The following LILRB4 variants were observed in gnomAD, a reference collection of about 807,000 sequenced individuals.
The protein encoded by LILRB4 is leukocyte immunoglobulin like receptor B4.
LILRB4 carries 49 observed loss-of-function variants against 55.2 expected under a neutral mutation model. The observed-to-expected ratio is 0.89, with a 90% confidence interval of 0.71 to 1.13. The LOEUF is 1.13. LILRB4 is among the 50% of genes most tolerant of loss of function. The probability of loss-of-function intolerance (pLI) is 0.00; values close to 1 mark genes in which losing one functional copy is unlikely to be tolerated. For synonymous variants in LILRB4, 229 were observed against 213.8 expected (o/e 1.07, Z -0.62); for missense variants, 590 against 555.2 (o/e 1.06, Z -0.63).
rs111690414 is a variant in LILRB4, at chr19:54,666,458, T to C, written c.988+22T>C. The C allele has an allele frequency of 6.2e-7, 1 of 1,613,858 alleles. No homozygotes were observed. Among genetic ancestry groups the C allele is most frequent in the Non-Finnish European group, 8.5e-7 (1 of 1,179,804 alleles). On this transcript the variant is annotated intron_variant, in intron 9 of 11. Transcript: ENST00000430952. This position sits in a 1 kb window ranked among gnomAD's most constrained non-coding sequence, Gnocchi z 4.8. ...TTCTGTGAGTGAGAGGCAGAGAAGGTGCACCTGGGGTGGAGCTGGGGGTCC... is the reference window on the plus strand; with the variant it reads ...TTCTGTGAGTGAGAGGCAGAGAAGGCGCACCTGGGGTGGAGCTGGGGGTCC...
chr19:54,667,921 A>T (rs758388886), exon 12 of LILRB4: 1 of 1,610,222 alleles, frequency 6.2e-7, no homozygotes, highest in East Asian at 2.2e-5. Context: ...CCGGCTGCAC[A>T]GCTTTACCCT....
Position 54,663,741 on chromosome 19 carries a change from G to C in LILRB4, c.71-13G>C, listed in dbSNP as rs1451719778. The stretch of plus-strand genomic sequence containing the variant: ...AGGAAGGTCTTGGGATCCAGCCTCT[G>C]ATTTTCTTCCAGGGCCCCTCCCCAA... On this transcript the variant is annotated splice_polypyrimidine_tract_variant and intron_variant, in intron 2 of 11. Coordinates refer to ENST00000430952, the Ensembl canonical transcript of LILRB4. 3.1e-6 allele frequency: 5 copies of C among 1,613,522 alleles called. No individual in the cohort carries two copies. The highest frequency in any genetic ancestry group is 3.3e-5 in the Admixed American group (2 of 59,964).
In LILRB4 at chr19:54,666,559, C is replaced by T. The variant is rs1294740068; in HGVS notation, c.988+123C>T. 3 of 1,444,626 alleles carry T rather than the reference C, an allele frequency of 2.1e-6. No individual in the cohort carries two copies. The highest frequency in any genetic ancestry group is 1.4e-5 in the African/African-American group (1 of 71,460). The allele number at this position is 1,444,626 out of a possible 1,614,324, so 89.5% of individuals were successfully genotyped here. A position where few individuals can be genotyped will look rare whatever the true frequency, so the allele number is the denominator to read the frequency against. ...GACTCAGGGAGAAGTGGTCTGAACC[C>T]ACATTGTGGGACCTCGGGGACATCA... On this transcript the variant is annotated intron_variant, in intron 9 of 11. Coordinates refer to ENST00000430952, the Ensembl canonical transcript of LILRB4. The surrounding 1 kb of genome is among the most constrained non-coding windows in gnomAD (Gnocchi z 4.8).
exon 12 of LILRB4, chr19:54,668,363 A>C (rs942414965): frequency 4.2e-6 from 1 of 236,724 alleles, no homozygotes; most frequent in Non-Finnish European, 8.2e-6. Flanking sequence ...AAAATAGAGA[A>C]AAATTAATAA....
chr19:54,663,094 AC>A, intron 1 of LILRB4, 27 bp downstream of exon 1: 2 of 1,597,442 alleles, frequency 1.3e-6, no homozygotes, highest in Non-Finnish European at 1.7e-6. Context: ...GGGAGGGGAG[AC>A]CCGAGTCTTG....
Position 54,666,752 on chromosome 19 carries a change from G to T in LILRB4, c.1041+3G>T. 1 of 1,613,898 alleles carries T rather than the reference G, an allele frequency of 6.2e-7. No individual in the cohort carries two copies. Among genetic ancestry groups the T allele is most frequent in the Non-Finnish European group, 8.5e-7 (1 of 1,179,804 alleles). Reference sequence around the variant, plus strand: ...ACGGGGTGGAAATGGACACTCGGGTGAGAACCCGCCCCTGTCCCCGGCACC... The same window carrying T: ...ACGGGGTGGAAATGGACACTCGGGTTAGAACCCGCCCCTGTCCCCGGCACC... On this transcript the variant is annotated splice_donor_region_variant and intron_variant, in intron 10 of 11. Coordinates refer to ENST00000430952, the Ensembl canonical transcript of LILRB4. This position sits in a 1 kb window ranked among gnomAD's most constrained non-coding sequence, Gnocchi z 4.8.
At position 54,665,759 on chromosome 19, in the gene LILRB4, C is replaced by G. The variant is rs907965726; in HGVS notation, c.758-56C>G. 10 of 1,526,312 alleles carry G rather than the reference C, an allele frequency of 6.6e-6. No homozygotes were observed. In the African/African-American group the frequency reaches 1.2e-4, roughly 19 times the overall value. 94.5% of individuals were successfully genotyped at this position (1,526,312 alleles called of 1,614,324 possible). On this transcript the variant is annotated intron_variant, in intron 6 of 11. Coordinates refer to ENST00000430952, the Ensembl canonical transcript of LILRB4. This position sits in a 1 kb window ranked among gnomAD's most constrained non-coding sequence, Gnocchi z 5.5. Reference sequence around the variant, plus strand: ...CCAGCACACACAGTAGGTGCACACACAGTAGGTGTGCACATCAATGACATC... The same window carrying G: ...CCAGCACACACAGTAGGTGCACACAGAGTAGGTGTGCACATCAATGACATC...
chr19:54,663,161 G>A, intron 1 of LILRB4, 94 bp downstream of exon 1: 1 of 1,437,446 alleles, frequency 7.0e-7, no homozygotes, highest in African/African-American at 1.4e-5. Flanking sequence ...AAAAATCTCA[G>A]GGTAGCCGGG....
rs1389832518 is a variant in LILRB4, at chr19:54,666,500, A to G, written c.988+64A>G. On this transcript the variant is annotated intron_variant, in intron 9 of 11. Coordinates refer to ENST00000430952, the Ensembl canonical transcript of LILRB4. This position sits in a 1 kb window ranked among gnomAD's most constrained non-coding sequence, Gnocchi z 4.8. Reference sequence around the variant, plus strand: ...TGGGGGTCCCAAAATTTCAATAGCAATGGGGGCAGGAGCACAGGCTAGGAT... The same window carrying G: ...TGGGGGTCCCAAAATTTCAATAGCAGTGGGGGCAGGAGCACAGGCTAGGAT... 4.4e-5 allele frequency: 69 copies of G among 1,573,116 alleles called. 1 individual carries two copies. Among genetic ancestry groups the G allele is most frequent in the Non-Finnish European group, 2.7e-5 (31 of 1,146,378 alleles).
rs1424751561 is a variant in LILRB4, at chr19:54,666,181, T to A, written c.875-59T>A. 7.5e-6 allele frequency: 11 copies of A among 1,462,790 alleles called. No homozygotes were observed. The highest frequency in any genetic ancestry group is 5.3e-5 in the South Asian group (4 of 75,028). The allele number at this position is 1,462,790 out of a possible 1,614,324, so 90.6% of individuals were successfully genotyped here. ...AGGTTTCCTTTCCTCTTGACTTGCA[T>A]GTGCAAGGCAGGTGGTTCTAACGTT... On this transcript the variant is annotated intron_variant, in intron 7 of 11. Transcript: ENST00000430952. This position sits in a 1 kb window ranked among gnomAD's most constrained non-coding sequence, Gnocchi z 4.8.
rs2065216274 is a variant in LILRB4, at chr19:54,665,252, AG to A, written c.757+74del. On this transcript the variant is annotated intron_variant, in intron 6 of 11. Transcript: ENST00000430952. The surrounding 1 kb of genome is among the most constrained non-coding windows in gnomAD (Gnocchi z 5.5). ...CAAGGGTGGGTTCTGTCCTAGGTTA[AG>A]GCTCCTCTGGAGGTGGTGATGTGGA... 2 of 1,479,636 alleles carry A rather than the reference AG, an allele frequency of 1.4e-6. No homozygotes were observed. Among genetic ancestry groups the A allele is most frequent in the Admixed American group, 2.0e-5 (1 of 49,720 alleles). 91.7% of individuals were successfully genotyped at this position (1,479,636 alleles called of 1,614,324 possible). A position where few individuals can be genotyped will look rare whatever the true frequency, so the allele number is the denominator to read the frequency against.
chr19:54,666,636 C>A lies in LILRB4; in HGVS notation c.989-61C>A. 1 of 1,549,570 alleles carries A rather than the reference C, an allele frequency of 6.5e-7. No individual in the cohort carries two copies. The highest frequency in any genetic ancestry group is 8.9e-7 in the Non-Finnish European group (1 of 1,125,594). On this transcript the variant is annotated intron_variant, in intron 9 of 11. Transcript: ENST00000430952. This position sits in a 1 kb window ranked among gnomAD's most constrained non-coding sequence, Gnocchi z 4.8. Reference sequence around the variant, plus strand: ...CTAATGGGAACAGGGCAGGGACCAGCAGGAATGAGAGGTCCCAGGGAACCT... The same window carrying A: ...CTAATGGGAACAGGGCAGGGACCAGAAGGAATGAGAGGTCCCAGGGAACCT...
chr19:54,665,850 TTGG>T lies in LILRB4; in HGVS notation c.798_800del (p.Val267del). 6.2e-7 allele frequency: 1 copy of T among 1,613,398 alleles called. No individual in the cohort carries two copies. The highest frequency in any genetic ancestry group is 8.5e-7 in the Non-Finnish European group (1 of 1,179,750). ...GCACTGGGAGGTACTGATCGGGGTC[TTGG>T]TGGTCTCCATCCTGCTTCTCTCCCT... On this transcript the variant is annotated inframe_deletion, in exon 7 of 12. Transcript: ENST00000430952. The surrounding 1 kb of genome is among the most constrained non-coding windows in gnomAD (Gnocchi z 5.5).
chr19:54,667,001 G>T (rs1455025985), intron 10 of LILRB4: 7 of 695,598 alleles, frequency 1.0e-5, no homozygotes, highest in African/African-American at 1.8e-5. Context: ...AGCTCCCCAG[G>T]CCTCAGGAGG....
intron 10 of LILRB4, chr19:54,667,393 G>T: frequency 2.7e-6 from 2 of 750,816 alleles, no homozygotes; most frequent in Non-Finnish European, 2.1e-6. Context: ...CAAAGGCCCC[G>T]AGGCAGCAGC....
In LILRB4 at chr19:54,665,959, G is replaced by A; in HGVS notation, c.874+28G>A. On this transcript the variant is annotated intron_variant, in intron 7 of 11. Transcript: ENST00000430952. This position sits in a 1 kb window ranked among gnomAD's most constrained non-coding sequence, Gnocchi z 5.5. ...AAGTAGGAAATTGGGGGACCCGTGGGCTGATGGAGGGTGGGCTCAGGGCAC... is the reference window on the plus strand; with the variant it reads ...AAGTAGGAAATTGGGGGACCCGTGGACTGATGGAGGGTGGGCTCAGGGCAC... 1 of 1,613,798 alleles carries A rather than the reference G, an allele frequency of 6.2e-7. No individual in the cohort carries two copies. Among genetic ancestry groups the A allele is most frequent in the Non-Finnish European group, 8.5e-7 (1 of 1,179,844 alleles).
chr19:54,663,457 A>AAAAAAAAAAAAAAAAAAAAAAC, intron 1 of LILRB4, 75 bp from the exon 2 acceptor site: 1 of 1,496,738 alleles, frequency 6.7e-7, no homozygotes, highest in Non-Finnish European at 9.0e-7. Context: ...AAAAAAAAAA[A>AAAAAAAAAAAAAAAAAAAAAAC]AAAAAAATCT....
At chr19:54,664,280 G>A (rs2065160717) in exon 4 of LILRB4, 1 of 1,614,114 alleles carries the variant, frequency 6.2e-7, no homozygotes, top group South Asian at 1.1e-5. Flanking sequence ...GGAGCCCAAT[G>A]GACACTTTTC....
downstream of LILRB4, chr19:54,668,560 C>G (rs2065396321): frequency 6.6e-6 from 1 of 152,478 alleles, no homozygotes; most frequent in African/African-American, 2.4e-5. Context: ...GCTGACATAA[C>G]AGAAAATGTA....
Sources: allele counts gnomAD v4.1 joint callset, GRCh38; gene constraint gnomAD v4.1.1; non-coding constraint Gnocchi (gnomAD v3.1); transcripts MANE v1.5; gene names NCBI Gene and HGNC (gene_info 2026-07-23, HGNC 2026-07-21).